The following CNTNAP5 variants were observed in gnomAD, a reference collection of about 807,000 sequenced individuals.
The protein encoded by CNTNAP5 is contactin associated protein family member 5.
In CNTNAP5, 72 loss-of-function variants were observed where a neutral mutation model predicts 150.2. That is an observed-to-expected ratio of 0.48 (90% CI 0.40 to 0.58). The LOEUF is 0.58. Ranked by LOEUF, CNTNAP5 falls within the 20% of genes least tolerant of loss-of-function variation. The pLI is 0.00. For missense variants in CNTNAP5, 1,636 were observed against 1,626.2 expected, an observed-to-expected ratio of 1.01 and a Z score of -0.10; for synonymous variants, 672 against 619.8, an observed-to-expected ratio of 1.08 and a Z score of -1.25.
chr2:124,563,326 G>T lies in CNTNAP5; in HGVS notation c.1756+3G>T. ...CACTGGTGCCACCTGCCACAACTGT[G>T]AGTAGATTGATCATTTGCCCCTGGT... On this transcript the variant is annotated splice_donor_region_variant and intron_variant, in intron 11 of 23. Transcript: ENST00000682447. The T allele has an allele frequency of 6.5e-7, 1 of 1,536,588 alleles. No individual in the cohort carries two copies. The highest frequency in any genetic ancestry group is 8.8e-7 in the Non-Finnish European group (1 of 1,130,390).
chr2:124,787,610 A>T (rs1196282229), intron 17 of CNTNAP5, among the ~76,000 whole-genome samples: 1 of 152,264 alleles, frequency 6.6e-6, no homozygotes, highest in East Asian at 1.9e-4. Flanking sequence ...GGATTTAGGA[A>T]AAACAGCCCT....
intron 1 of CNTNAP5, among the ~76,000 whole-genome samples, chr2:124,030,115 T>G (rs935034887): frequency 2.0e-5 from 3 of 152,122 alleles, no homozygotes; most frequent in Non-Finnish European, 4.4e-5. Flanking sequence ...ACGAAGAAAA[T>G]GGATTAGATC....
intron 13 of CNTNAP5, among the ~76,000 whole-genome samples, chr2:124,722,598 G>A (rs1680070618): frequency 6.6e-6 from 1 of 152,042 alleles, no homozygotes; most frequent in South Asian, 2.1e-4. Context: ...TATATTCAAG[G>A]CCCACTGAAG....
At position 124,429,271 on chromosome 2, in the gene CNTNAP5, A is replaced by T. The variant is rs116999316; in HGVS notation, c.530-5213A>T. Among the ~76,000 whole-genome samples, 351 of 152,280 alleles carry T rather than the reference A, an allele frequency of 2.3e-3. 11 individuals carry two copies. The East Asian group carries it at 0.056, about 24-fold the overall frequency. On this transcript the variant is annotated intron_variant, in intron 4 of 23. Coordinates refer to ENST00000682447, the MANE Select transcript of CNTNAP5 (RefSeq NM_001367498.1). Reference sequence around the variant, plus strand: ...TTTTTTTTCATGTGCTATCATGCATAGGAATATCAGAAATTTTAAAAGAAA... The same window carrying T: ...TTTTTTTTCATGTGCTATCATGCATTGGAATATCAGAAATTTTAAAAGAAA...
chr2:124,729,803 T>C (rs1680233048), intron 13 of CNTNAP5, among the ~76,000 whole-genome samples: 1 of 152,156 alleles, frequency 6.6e-6, no homozygotes, highest in South Asian at 2.1e-4. Context: ...AAATCTTAGA[T>C]ACTGCTTGAA....
chr2:124,265,142 A>G (rs1687571750), intron 3 of CNTNAP5, among the ~76,000 whole-genome samples: 1 of 152,172 alleles, frequency 6.6e-6, no homozygotes, highest in Non-Finnish European at 1.5e-5. Flanking sequence ...CTGGTAAAAT[A>G]ATGTCCAGCC....
chr2:124,896,022 C>T (rs1262486151), intron 21 of CNTNAP5, among the ~76,000 whole-genome samples: 3 of 151,568 alleles, frequency 2.0e-5, no homozygotes, highest in Non-Finnish European at 4.4e-5. Flanking sequence ...GTGTGGCAAC[C>T]GGGCTTGCAT....
intron 3 of CNTNAP5, among the ~76,000 whole-genome samples, chr2:124,408,624 A>G (rs1174620219): frequency 6.6e-6 from 1 of 151,828 alleles, no homozygotes; most frequent in Admixed American, 6.6e-5. Flanking sequence ...GCAGGGGGGC[A>G]CACTGACACC....
At chr2:124,899,618 G>A (rs1411940699) in intron 21 of CNTNAP5, among the ~76,000 whole-genome samples, 1 of 151,236 alleles carries the variant, frequency 6.6e-6, no homozygotes, top group Non-Finnish European at 1.5e-5. Context: ...TTTTATGTTA[G>A]TAGAAAATCT....
chr2:124,436,396 G>GTT (rs1692532645), intron 5 of CNTNAP5, among the ~76,000 whole-genome samples: 1 of 152,048 alleles, frequency 6.6e-6, no homozygotes, highest in Admixed American at 6.5e-5. Flanking sequence ...ATCAAATTGT[G>GTT]TTTTTTATTT....
rs1031230805 is a variant in CNTNAP5, at chr2:124,438,116, A to G, written c.733+3429A>G. Among the ~76,000 whole-genome samples, 5 of 152,094 alleles carry G rather than the reference A, an allele frequency of 3.3e-5. No homozygotes were observed. The East Asian group carries it at 9.6e-4, about 29-fold the overall frequency. Reference sequence around the variant, plus strand: ...ACATTACATAGTTACCCTAACCCTTACTGTGTCTGGCTTGGGTAGAGACAG... The same window carrying G: ...ACATTACATAGTTACCCTAACCCTTGCTGTGTCTGGCTTGGGTAGAGACAG... On this transcript the variant is annotated intron_variant, in intron 5 of 23. Transcript: ENST00000682447.
chr2:124,153,771 C>T lies in CNTNAP5; in HGVS notation c.83-67934C>T, dbSNP rs542787478. Among the ~76,000 whole-genome samples the T allele has an allele frequency of 2.3e-3, 350 of 151,608 alleles. 3 individuals are homozygous for T. The highest frequency in any genetic ancestry group is 3.7e-3 in the Non-Finnish European group (253 of 67,844). ...ATTACAGGCGTATGCCACCACACCCCGCTAATTTTTGTATTTTTTAGTAGA... is the reference window on the plus strand; with the variant it reads ...ATTACAGGCGTATGCCACCACACCCTGCTAATTTTTGTATTTTTTAGTAGA... On this transcript the variant is annotated intron_variant, in intron 1 of 23. Transcript: ENST00000682447.
chr2:124,220,836 C>A (rs1370333910), intron 1 of CNTNAP5, among the ~76,000 whole-genome samples: 3 of 152,090 alleles, frequency 2.0e-5, no homozygotes, highest in Non-Finnish European at 4.4e-5. Flanking sequence ...AATATTGTTA[C>A]AATGACATTA....
chr2:124,379,314 C>T (rs372362466), intron 3 of CNTNAP5, among the ~76,000 whole-genome samples: 1 of 152,036 alleles, frequency 6.6e-6, no homozygotes, highest in African/African-American at 2.4e-5. Flanking sequence ...CCCTAAACAG[C>T]CTCTATGCTC....
intron 6 of CNTNAP5, among the ~76,000 whole-genome samples, chr2:124,450,292 A>G (rs1197334746): frequency 6.6e-6 from 1 of 151,798 alleles, no homozygotes; most frequent in African/African-American, 2.4e-5. Context: ...ATACTTCTGT[A>G]TATATCAGAT....
intron 3 of CNTNAP5, among the ~76,000 whole-genome samples, chr2:124,246,699 T>C (rs1687037602): frequency 6.6e-6 from 1 of 152,170 alleles, no homozygotes; most frequent in East Asian, 1.9e-4. Context: ...AACCACAATG[T>C]TGAGCCCTTT....
chr2:124,491,309 C>G lies in CNTNAP5; in HGVS notation c.1063-12983C>G, dbSNP rs1474430656. On this transcript the variant is annotated intron_variant, in intron 7 of 23. Transcript: ENST00000682447. The stretch of plus-strand genomic sequence containing the variant: ...ATACCACATATTTGCCTTTCTATGT[C>G]TGGTTTATTTAACTCAGCATAATGA... Among the ~76,000 whole-genome samples the G allele has an allele frequency of 2.0e-5, 3 of 152,122 alleles. 1 individual carries two copies. The highest frequency in any genetic ancestry group is 2.0e-4 in the Admixed American group (3 of 15,262).
intron 3 of CNTNAP5, among the ~76,000 whole-genome samples, chr2:124,367,997 G>A (rs996347477): frequency 2.6e-5 from 4 of 152,082 alleles, no homozygotes; most frequent in Middle Eastern, 3.2e-3. Flanking sequence ...GCTGGACATC[G>A]CATGCCTTTC....
intron 11 of CNTNAP5, among the ~76,000 whole-genome samples, chr2:124,589,307 T>A (rs573672256): frequency 2.2e-4 from 34 of 152,338 alleles, no homozygotes; most frequent in African/African-American, 7.7e-4. Flanking sequence ...CTCCTATGAC[T>A]GGCTTCTTTC....
Sources: allele counts gnomAD v4.1 joint callset (sites outside exome capture counted in the v4.1 genomes callset), GRCh38; gene constraint gnomAD v4.1.1; transcripts MANE v1.5; gene names NCBI Gene and HGNC (gene_info 2026-07-23, HGNC 2026-07-21).